Variants in SYNE1 observed in about 807,000 individuals in gnomAD.
The protein encoded by SYNE1 is spectrin repeat containing nuclear envelope protein 1, also known as nesprin-1.
SYNE1 carries 616 observed loss-of-function variants against 1,111.0 expected under a neutral mutation model. That is an observed-to-expected ratio of 0.55 (90% confidence interval 0.52 to 0.59). The LOEUF is 0.59. SYNE1 is among the 20% of genes least tolerant of loss of function. The pLI is 0.00. For missense variants in SYNE1, 10,006 were observed against 10,417.0 expected (o/e 0.96, Z 1.72); for synonymous variants, 3,855 against 3,825.8 (o/e 1.01, Z -0.28).
chr6:152,406,917 A>C lies in SYNE1; in HGVS notation c.6723+97T>G, dbSNP rs1411875388. ...TAAAATAAAATAAAAAATAAAAGTT[A>C]AAAGAAGAATAAACTTTTAAGAAAG... On this transcript the variant is annotated intron_variant, in intron 45 of 145. Coordinates refer to ENST00000367255, the MANE Select transcript of SYNE1 (RefSeq NM_182961.4). 17 of 913,486 alleles carry C rather than the reference A, an allele frequency of 1.9e-5. No homozygotes were observed. The Admixed American group carries it at 3.9e-4, about 21-fold the overall frequency. 56.6% of individuals were successfully genotyped at this position (913,486 alleles called of 1,614,324 possible). A position where few individuals can be genotyped will look rare whatever the true frequency, so the allele number is the denominator to read the frequency against.
chr6:152,541,604 C>T lies in SYNE1; in HGVS notation c.68-1583G>A, dbSNP rs915031802. ...TCTACTAAAAATACAAAAAATTAGC[C>T]GGGTGTGCTGGCGGGCCTCTGTAGT... On this transcript the variant is annotated intron_variant, in intron 3 of 145. Transcript: ENST00000367255. Among the ~76,000 whole-genome samples the T allele has an allele frequency of 4.6e-5, 7 of 151,764 alleles. No individual in the cohort carries two copies. The South Asian group carries it at 6.2e-4, about 14-fold the overall frequency.
At chr6:152,609,847 C>A (rs1419037699) in intron 3 of SYNE1, among the ~76,000 whole-genome samples, 3 of 152,322 alleles carry the variant, frequency 2.0e-5, no homozygotes, top group South Asian at 4.1e-4. Flanking sequence ...AAAACCCAAG[C>A]AAACAGGGTC....
chr6:152,476,762 G>C (rs1179380486), intron 14 of SYNE1, among the ~76,000 whole-genome samples: 1 of 151,790 alleles, frequency 6.6e-6, no homozygotes. Context: ...CCACCTTCTC[G>C]GGAGGCTAAG....
intron 74 of SYNE1, among the ~76,000 whole-genome samples, chr6:152,342,056 A>G (rs2096545004): frequency 6.6e-6 from 1 of 152,210 alleles, no homozygotes; most frequent in South Asian, 2.1e-4. Context: ...TGTCTCCACC[A>G]CCTCGAACTC....
intron 112 of SYNE1, among the ~76,000 whole-genome samples, chr6:152,232,890 T>C (rs1350082623): frequency 2.0e-5 from 3 of 152,236 alleles, no homozygotes; most frequent in Admixed American, 2.0e-4. Context: ...TGTGTGGTGC[T>C]GAAAGATATA....
Position 152,628,319 on chromosome 6 carries a change from T to G in SYNE1, c.13A>C (p.Arg5=), listed in dbSNP as rs777385898. The G allele has an allele frequency of 6.2e-7, 1 of 1,614,080 alleles. No individual in the cohort carries two copies. Among genetic ancestry groups the G allele is most frequent in the Non-Finnish European group, 8.5e-7 (1 of 1,180,034 alleles). The change falls in exon 3 of 146, where the codon AGA becomes CGA. Residue 5 remains arginine (R), a synonymous_variant. Transcript: ENST00000367255. MATS[R]GASRCPRDIA... ...TCCCGAGGACACCGGGAGGCCCCTC[T>G]GGAGGTTGCCATGGTCCCTCCGGAA...
At chr6:152,570,797 G>A (rs2099449343) in intron 3 of SYNE1, among the ~76,000 whole-genome samples, 1 of 152,172 alleles carries the variant, frequency 6.6e-6, no homozygotes, top group Non-Finnish European at 1.5e-5. Flanking sequence ...ATGGTAAGAA[G>A]TCTTTCTTTT....
chr6:152,136,471 A>G (rs2057099383), intron 141 of SYNE1, 147 bp downstream of exon 141: 3 of 928,586 alleles, frequency 3.2e-6, no homozygotes, highest in South Asian at 1.4e-5. Context: ...AGTAAAATGA[A>G]AAGTTTGGGC....
At chr6:152,512,086 T>C (rs950016760) in intron 6 of SYNE1, among the ~76,000 whole-genome samples, 1 of 105,054 alleles carries the variant, frequency 9.5e-6, no homozygotes, top group African/African-American at 3.8e-5. Flanking sequence ...TGTTTGTACA[T>C]TTTTTTTATT....
chr6:152,228,953 A>G (rs1237156489), intron 115 of SYNE1, among the ~76,000 whole-genome samples: 1 of 152,198 alleles, frequency 6.6e-6, no homozygotes, highest in East Asian at 1.9e-4. Context: ...TATTACTTCA[A>G]GGTATTCTCT....
chr6:152,313,259 T>C (rs2095606518), intron 87 of SYNE1, among the ~76,000 whole-genome samples: 1 of 152,184 alleles, frequency 6.6e-6, no homozygotes, highest in African/African-American at 2.4e-5. Context: ...AGTCTGTTAT[T>C]TCCCAGATCT....
At position 152,183,724 on chromosome 6, in the gene SYNE1, G is replaced by A. The variant is rs575329244; in HGVS notation, c.23302-3430C>T. Among the ~76,000 whole-genome samples the A allele has an allele frequency of 1.3e-4, 20 of 152,286 alleles. No homozygotes were observed. In the South Asian group the frequency reaches 3.5e-3, roughly 27 times the overall value. On this transcript the variant is annotated intron_variant, in intron 128 of 145. Coordinates refer to ENST00000367255, the MANE Select transcript of SYNE1 (RefSeq NM_182961.4). Reference sequence around the variant, plus strand: ...AGGCCTTTACTCACCAATATCTGCAGGGAGGATGGTCCCAAAATAGAAAAA... The same window carrying A: ...AGGCCTTTACTCACCAATATCTGCAAGGAGGATGGTCCCAAAATAGAAAAA...
At chr6:152,461,441 T>A (rs1451041570) in intron 21 of SYNE1, among the ~76,000 whole-genome samples, 156 bp downstream of exon 21, 1 of 152,148 alleles carries the variant, frequency 6.6e-6, no homozygotes, top group Non-Finnish European at 1.5e-5. Flanking sequence ...TTATTTTTTT[T>A]AATTCATGAC....
intron 11 of SYNE1, among the ~76,000 whole-genome samples, chr6:152,495,909 A>G (rs529164315): frequency 6.8e-4 from 104 of 152,340 alleles, no homozygotes; most frequent in Non-Finnish European, 1.2e-3. Context: ...TGAGAATTAA[A>G]AAGAAAATTT....
Position 152,232,121 on chromosome 6 carries a change from A to G in SYNE1, c.20857T>C (p.Tyr6953His). 2 of 1,572,858 alleles carry G rather than the reference A, an allele frequency of 1.3e-6. No individual in the cohort carries two copies. Among genetic ancestry groups the G allele is most frequent in the Non-Finnish European group, 1.7e-6 (2 of 1,143,826 alleles). ...AAACAAAAAATTTTAATTACCTTAT[A>G]TTTCTGAAGGTATTCATGAATTGCC... ...YKAIHEYLQK[Y>H]KGFKIDINCK... Residue 6953 changes from tyrosine (Y) to histidine (H), a missense_variant, in exon 113 of 146, where the codon TAT becomes CAT. Physicochemically the swap from Tyr to His is moderately conservative, Grantham distance 83 (BLOSUM62 2). Transcript: ENST00000367255.
intron 51 of SYNE1, among the ~76,000 whole-genome samples, chr6:152,394,068 C>T (rs917395435): frequency 6.6e-6 from 1 of 152,144 alleles, no homozygotes; most frequent in Non-Finnish European, 1.5e-5. Flanking sequence ...TGAGTGAGAA[C>T]ATGCGGTGTT....
At chr6:152,402,965 C>T (rs150381424) in intron 46 of SYNE1, among the ~76,000 whole-genome samples, 113 of 152,214 alleles carry the variant, frequency 7.4e-4, no homozygotes, top group East Asian at 3.1e-3. Flanking sequence ...TTACTTCACA[C>T]GAAACTTCTA....
In SYNE1 at chr6:152,122,597, G is replaced by C; in HGVS notation, c.26233C>G (p.Leu8745Val). The C allele has an allele frequency of 6.2e-7, 1 of 1,614,196 alleles. No homozygotes were observed. The highest frequency in any genetic ancestry group is 8.5e-7 in the Non-Finnish European group (1 of 1,180,042). Residue 8745 changes from leucine to valine, a missense_variant, in exon 146 of 146, where the codon CTC becomes GTC. By Grantham distance (32) the Leu-to-Val change is conservative. Transcript: ENST00000367255. ...RSGRGFLFRV[L>V]RAALPLQLLL... ...AGCTGAAGGGGAAGAGCTGCTCGGA[G>C]GACTCTGAACAGGAAGCCGCGGCCG...
intron 95 of SYNE1, among the ~76,000 whole-genome samples, chr6:152,285,719 C>A (rs2094292179): frequency 6.6e-6 from 1 of 152,202 alleles, no homozygotes; most frequent in Non-Finnish European, 1.5e-5. Flanking sequence ...ATTGTCATAT[C>A]TTCAGAGAGG....
Sources: allele counts gnomAD v4.1 joint callset (sites outside exome capture counted in the v4.1 genomes callset), GRCh38; gene constraint gnomAD v4.1.1; transcripts MANE v1.5; gene names NCBI Gene and HGNC (gene_info 2026-07-23, HGNC 2026-07-21).